The following MTA3 variants were observed in gnomAD, a reference collection of about 807,000 sequenced individuals.
MTA3 encodes metastasis associated 1 family member 3.
Under a neutral mutation model 83.5 loss-of-function variants are expected in MTA3, and 34 were observed. The ratio of observed to expected loss-of-function variants is 0.41; its 90% CI spans 0.31 to 0.54. MTA3 has a LOEUF of 0.54. Among genes scored for constraint, MTA3 ranks in the 20% least tolerant of loss-of-function variants. The pLI is 0.33. For missense variants in MTA3, 761 were observed against 726.4 expected, an observed-to-expected ratio of 1.05 and a Z score of -0.55; for synonymous variants, 303 against 252.7, an observed-to-expected ratio of 1.20 and a Z score of -1.89.
At chr2:42,552,867 T>G (rs565279330) in intron 2 of MTA3, among the ~76,000 whole-genome samples, 17 of 150,792 alleles carry the variant, frequency 1.1e-4, no homozygotes, top group Non-Finnish European at 2.2e-4. Flanking sequence ...GGAGAATTGC[T>G]TGAACCCAGG....
At chr2:42,632,183 A>G (rs34636718) in intron 4 of MTA3, among the ~76,000 whole-genome samples, 1,576 of 129,478 alleles carry the variant, frequency 0.012, 10 homozygotes, top group Non-Finnish European at 0.017. Context: ...TCTGCCTCCC[A>G]GGTTCACGCC....
chr2:42,548,461 G>A (rs985021950), intron 2 of MTA3, among the ~76,000 whole-genome samples: 1 of 151,630 alleles, frequency 6.6e-6, no homozygotes, highest in East Asian at 1.9e-4. Flanking sequence ...GCAAGACTCC[G>A]TCTCAAAATA....
intron 2 of MTA3, among the ~76,000 whole-genome samples, chr2:42,532,378 C>G (rs1292365851): frequency 6.6e-6 from 1 of 152,040 alleles, no homozygotes; most frequent in Non-Finnish European, 1.5e-5. Context: ...GGTGTCATGG[C>G]GGGTGACTGT....
intron 4 of MTA3, among the ~76,000 whole-genome samples, chr2:42,612,816 G>T (rs534869373): frequency 6.6e-6 from 1 of 151,982 alleles, no homozygotes; most frequent in Non-Finnish European, 1.5e-5. Flanking sequence ...AGCCAAGATC[G>T]CACTACTGTA....
chr2:42,674,661 C>G (rs1292252307), intron 8 of MTA3, among the ~76,000 whole-genome samples: 1 of 148,668 alleles, frequency 6.7e-6, no homozygotes, highest in Admixed American at 6.7e-5. Context: ...TGCAGTGGCC[C>G]GATCTCAGCT....
chr2:42,639,037 G>A (rs547806135), intron 4 of MTA3, among the ~76,000 whole-genome samples: 5 of 150,936 alleles, frequency 3.3e-5, no homozygotes, highest in African/African-American at 9.7e-5. Context: ...CCAACAGCAA[G>A]CTTTTCTAGC....
At chr2:42,705,221 A>AT (rs984710118) in intron 12 of MTA3, among the ~76,000 whole-genome samples, 10 of 152,148 alleles carry the variant, frequency 6.6e-5, no homozygotes, top group South Asian at 4.1e-4. Flanking sequence ...GTGTTTAACC[A>AT]TTTTTTTGCA....
chr2:42,544,931 C>T (rs1175822390), intron 2 of MTA3, among the ~76,000 whole-genome samples: 1 of 152,156 alleles, frequency 6.6e-6, no homozygotes, highest in African/African-American at 2.4e-5. Context: ...TCACAGCTGG[C>T]ATTTTGACAA....
chr2:42,554,826 G>C (rs1415056885), intron 2 of MTA3, among the ~76,000 whole-genome samples: 1 of 152,152 alleles, frequency 6.6e-6, no homozygotes, highest in East Asian at 1.9e-4. Flanking sequence ...GGTGGGATGG[G>C]AAGAATCACT....
intron 4 of MTA3, among the ~76,000 whole-genome samples, chr2:42,621,083 G>C (rs1685481390): frequency 1.7e-5 from 2 of 120,944 alleles, no homozygotes; most frequent in Non-Finnish European, 3.6e-5. Flanking sequence ...TATTAAGGTA[G>C]ACATTGAAGC....
intron 2 of MTA3, among the ~76,000 whole-genome samples, chr2:42,561,993 A>C (rs1346316659): frequency 1.3e-5 from 2 of 152,184 alleles, no homozygotes; most frequent in Non-Finnish European, 2.9e-5. Context: ...GCAAGGTGTC[A>C]GTAGGGTTAG....
chr2:42,612,448 TA>T (rs1421703563), intron 4 of MTA3, among the ~76,000 whole-genome samples: 1 of 152,214 alleles, frequency 6.6e-6, no homozygotes, highest in African/African-American at 2.4e-5. Flanking sequence ...ACTCTTGACC[TA>T]AAGTGATCTG....
In MTA3 at chr2:42,740,738, A is replaced by T. The variant is rs184226525; in HGVS notation, c.1760-12636A>T. ...GCAAGCTTAAGATATTCCGTAAACC[A>T]TGCTGTAAACAGAGGTGCTATCATT... On this transcript the variant is annotated intron_variant, in intron 16 of 16. Coordinates refer to ENST00000405094, the MANE Select transcript of MTA3 (RefSeq NM_001330442.2). 7.2e-5 allele frequency among the ~76,000 whole-genome samples: 11 copies of T among 152,370 alleles called. No homozygotes were observed. In the East Asian group the frequency reaches 1.5e-3, roughly 21 times the overall value.
chr2:42,558,150 T>C (rs1677487615), intron 2 of MTA3, among the ~76,000 whole-genome samples: 1 of 152,038 alleles, frequency 6.6e-6, no homozygotes, highest in Admixed American at 6.6e-5. Context: ...CCTCCCTCAA[T>C]GCTCCCTAGT....
intron 2 of MTA3, among the ~76,000 whole-genome samples, chr2:42,550,999 G>A (rs1265575755): frequency 1.3e-5 from 2 of 151,632 alleles, no homozygotes; most frequent in East Asian, 3.9e-4. Flanking sequence ...GCAGTGAGCA[G>A]AGATCGCACC....
intron 2 of MTA3, among the ~76,000 whole-genome samples, chr2:42,533,873 G>A (rs1572938638): frequency 6.6e-6 from 1 of 151,282 alleles, no homozygotes; most frequent in Non-Finnish European, 1.5e-5. Flanking sequence ...ACGAAAGAAT[G>A]GCTATTCCAT....
At position 42,624,188 on chromosome 2, in the gene MTA3, A is replaced by G. The variant is rs1685856087; in HGVS notation, c.317+14604A>G. On this transcript the variant is annotated intron_variant, in intron 4 of 16. Coordinates refer to ENST00000405094, the MANE Select transcript of MTA3 (RefSeq NM_001330442.2). ...TAATTCAGACTTTTCTTTGTTTAGT[A>G]TTTGATTTTATTTTTATTTCAATAA... 2.6e-5 allele frequency among the ~76,000 whole-genome samples: 4 copies of G among 152,210 alleles called. No homozygotes were observed. In the South Asian group the frequency reaches 6.2e-4, roughly 24 times the overall value.
At chr2:42,673,362 A>G (rs1450460479) in intron 8 of MTA3, among the ~76,000 whole-genome samples, 5 of 152,158 alleles carry the variant, frequency 3.3e-5, no homozygotes, top group Non-Finnish European at 7.3e-5. Context: ...TCGACTTAGG[A>G]TGTTCAACTT....
At chr2:42,690,953 T>G (rs1041571724) in intron 9 of MTA3, among the ~76,000 whole-genome samples, 2 of 151,930 alleles carry the variant, frequency 1.3e-5, no homozygotes, top group Non-Finnish European at 2.9e-5. Context: ...CTCTGCTTAC[T>G]GCAACCTCCA....
Sources: gnomAD v4.1 joint callset for allele counts (sites outside exome capture counted in the v4.1 genomes callset) on GRCh38, gnomAD v4.1.1 for gene constraint, MANE v1.5 for transcripts, NCBI Gene and HGNC (gene_info 2026-07-23, HGNC 2026-07-21) for gene names.